The following AKAP17A variants were observed in gnomAD, a reference collection of about 807,000 sequenced individuals.
AKAP17A encodes the protein A-kinase anchoring protein 17A.
In AKAP17A, 15 loss-of-function variants were observed where a neutral mutation model predicts 52.2. The ratio of observed to expected loss-of-function variants is 0.29; its 90% confidence interval spans 0.19 to 0.44. The LOEUF (loss-of-function observed/expected upper bound fraction) is 0.44, where lower values mean the gene tolerates loss of function less well. AKAP17A is among the 20% of genes least tolerant of loss of function. AKAP17A has a pLI of 1.00. For missense variants in AKAP17A, 1,060 were observed against 1,007.0 expected, an observed-to-expected ratio of 1.05 and a Z score of -0.71; for synonymous variants, 514 against 424.7, an observed-to-expected ratio of 1.21 and a Z score of -2.58.
At position 1,595,437 on chromosome X, in the gene AKAP17A, G is replaced by A; in HGVS notation, c.816G>A (p.Gln272=). ...GTGATGCCTCAATTAAGAAGCGGCA[G>A]CTGGAGAGGCAGAAGCTTCAGGAAC... ...HLSDASIKKR[Q]LERQKLQELE... is the part of the protein sequence containing the mutation. Residue 272 remains glutamine, a synonymous_variant, in exon 3 of 5, where the codon CAG becomes CAA. Transcript: ENST00000313871. 5 of 1,614,034 alleles carry A rather than the reference G, an allele frequency of 3.1e-6. No individual in the cohort carries two copies. The highest frequency in any genetic ancestry group is 4.2e-6 in the Non-Finnish European group (5 of 1,179,882).
chrX:1,602,166 T>A lies in AKAP17A; in HGVS notation c.*572T>A. The A allele has an allele frequency of 6.5e-6, 1 of 152,766 alleles. No individual in the cohort carries two copies. Among genetic ancestry groups the A allele is most frequent in the South Asian group, 2.1e-4 (1 of 4,830 alleles). 9.5% of individuals were successfully genotyped at this position (152,766 alleles called of 1,614,324 possible). A position where few individuals can be genotyped will look rare whatever the true frequency, so the allele number is the denominator to read the frequency against. ...TTAAGATCAAAACTCAAACGGGCCGTTCTTTCTAAGGTGTCGGTATGTGGG... is the reference window on the plus strand; with the variant it reads ...TTAAGATCAAAACTCAAACGGGCCGATCTTTCTAAGGTGTCGGTATGTGGG... On this transcript the variant is annotated 3_prime_UTR_variant, in exon 5 of 5. Transcript: ENST00000313871.
chrX:1,601,766 C>A lies in AKAP17A; in HGVS notation c.*172C>A. 1 of 533,784 alleles carries A rather than the reference C, an allele frequency of 1.9e-6. No individual in the cohort carries two copies. The highest frequency in any genetic ancestry group is 3.0e-6 in the Non-Finnish European group (1 of 332,302). The allele number at this position is 533,784 out of a possible 1,614,324, so 33.1% of individuals were successfully genotyped here. ...AGGAAGACACCATGCTTTAGAGATC[C>A]ATCTTTCTCCACTCACCGCAGCGTA... On this transcript the variant is annotated 3_prime_UTR_variant, in exon 5 of 5. Transcript: ENST00000313871.
chrX:1,594,632 T>C (rs1452920163), intron 2 of AKAP17A, among the ~76,000 whole-genome samples: 1 of 152,010 alleles, frequency 6.6e-6, no homozygotes, highest in Non-Finnish European at 1.5e-5. Flanking sequence ...TTTTATTTTT[T>C]TTTCGAGGCA....
chrX:1,596,915 G>A (rs772693524), intron 3 of AKAP17A, among the ~76,000 whole-genome samples: 2 of 150,970 alleles, frequency 1.3e-5, no homozygotes, highest in South Asian at 4.2e-4. Flanking sequence ...TCCTAGTGAG[G>A]CGGAATCCTC....
intron 3 of AKAP17A, 28 bp downstream of exon 3, chrX:1,595,560 C>T (rs777037233): frequency 1.8e-5 from 29 of 1,612,504 alleles, no homozygotes; most frequent in East Asian, 6.7e-5. Context: ...GGGCCCTCGG[C>T]GCTGGTGTCC....
chrX:1,601,269 G>C lies in AKAP17A; in HGVS notation c.1763G>C (p.Gly588Ala), dbSNP rs1933361122. 2 of 1,612,802 alleles carry C rather than the reference G, an allele frequency of 1.2e-6. No homozygotes were observed. The highest frequency in any genetic ancestry group is 2.7e-5 in the African/African-American group (2 of 74,916). Residue 588 changes from glycine (G) to alanine (A), a missense_variant, in exon 5 of 5, where the codon GGC becomes GCC. By Grantham distance (60) the Gly-to-Ala change is moderately conservative (BLOSUM62 0). This residue lies in a region of AKAP17A where 793 missense variants were observed against 629.9 expected (regional missense o/e 1.26). Coordinates refer to ENST00000313871, the MANE Select transcript of AKAP17A (RefSeq NM_005088.3). ...KCNREPSKGR[G>A]RATGDGLADR... ...AACCGGGAGCCCAGCAAGGGCCGGG[G>C]CCGGGCCACCGGAGACGGGCTTGCT...
intron 3 of AKAP17A, among the ~76,000 whole-genome samples, chrX:1,597,663 G>A (rs1385615162): frequency 3.5e-5 from 5 of 141,012 alleles, no homozygotes; most frequent in South Asian, 2.3e-4. Flanking sequence ...TCTCGGTGTC[G>A]CAGGAGTGTC....
At chrX:1,593,302 GTGGAAACCGGTCTC>G in intron 1 of AKAP17A, 128 bp from the exon 2 acceptor site, 1 of 824,188 alleles carries the variant, frequency 1.2e-6, no homozygotes, top group Non-Finnish European at 2.0e-6. Flanking sequence ...TGTTAACAAA[GTGGAAACCGGTCTC>G]TGACACGGCA....
chrX:1,592,204 G>A (rs1453511923), intron 1 of AKAP17A, among the ~76,000 whole-genome samples: 10 of 151,824 alleles, frequency 6.6e-5, no homozygotes, highest in Admixed American at 5.3e-4. Flanking sequence ...GGGCGGTGCT[G>A]TGTAGGTTGG....
In AKAP17A at chrX:1,600,804, AGCTGCGCGAGCG is replaced by A; in HGVS notation, c.1304_1315del (p.Arg435_Leu438del). The A allele has an allele frequency of 6.3e-7, 1 of 1,590,004 alleles. No homozygotes were observed. Among genetic ancestry groups the A allele is most frequent in the Non-Finnish European group, 8.5e-7 (1 of 1,172,810 alleles). Reference sequence around the variant, plus strand: ...CTGGGCCTGCAGCGGAAAGAGCGGGAGCTGCGCGAGCGGCTGCTGAGCATCCTGCTGAGCAAG... The same window carrying A: ...CTGGGCCTGCAGCGGAAAGAGCGGGAGCTGCTGAGCATCCTGCTGAGCAAG... On this transcript the variant is annotated inframe_deletion, in exon 5 of 5. Coordinates refer to ENST00000313871, the MANE Select transcript of AKAP17A (RefSeq NM_005088.3).
intron 4 of AKAP17A, 96 bp downstream of exon 4, chrX:1,599,528 G>A (rs752102979): frequency 1.5e-4 from 227 of 1,509,514 alleles, no homozygotes; most frequent in Admixed American, 4.1e-4. Flanking sequence ...CCGTTTCCCC[G>A]CCGGCTGCAG....
chrX:1,600,263 G>A (rs1189352254), intron 4 of AKAP17A: 34 of 1,177,964 alleles, frequency 2.9e-5, no homozygotes, highest in Non-Finnish European at 3.7e-5. Flanking sequence ...CAGCTACGGC[G>A]GTGGCATGCG....
chrX:1,592,666 G>A (rs1303860006), intron 1 of AKAP17A, among the ~76,000 whole-genome samples: 2 of 152,172 alleles, frequency 1.3e-5, no homozygotes, highest in Non-Finnish European at 2.9e-5. Flanking sequence ...GTGGGCGGCC[G>A]GGCCGGAGGC....
In AKAP17A at chrX:1,601,746, G is replaced by T; in HGVS notation, c.*152G>T. ...CACGGAGCCCGCCGGCAGGAAGGAA[G>T]ACACCATGCTTTAGAGATCCATCTT... On this transcript the variant is annotated 3_prime_UTR_variant, in exon 5 of 5. Transcript: ENST00000313871. 1.6e-6 allele frequency: 1 copy of T among 637,824 alleles called. No homozygotes were observed. The highest frequency in any genetic ancestry group is 2.4e-6 in the Non-Finnish European group (1 of 423,084). The allele number at this position is 637,824 out of a possible 1,614,324, so 39.5% of individuals were successfully genotyped here.
chrX:1,598,084 A>G (rs1397184636), intron 3 of AKAP17A, among the ~76,000 whole-genome samples: 22 of 152,156 alleles, frequency 1.4e-4, no homozygotes, highest in Non-Finnish European at 4.4e-5. Context: ...GAGCTTGATG[A>G]GAGCTGTCCT....
intron 2 of AKAP17A, 76 bp from the exon 3 acceptor site, chrX:1,595,307 GC>G: frequency 6.3e-7 from 1 of 1,597,412 alleles, no homozygotes; most frequent in South Asian, 1.1e-5. Flanking sequence ...CGGCCCTACG[GC>G]CCAGGAGAGG....
chrX:1,595,270 AGCGGG>A, intron 2 of AKAP17A, 109 bp from the exon 3 acceptor site: 1 of 1,364,974 alleles, frequency 7.3e-7, no homozygotes, highest in African/African-American at 1.5e-5. Flanking sequence ...GTGAGCGGTG[AGCGGG>A]CGCTCAGGCT....
chrX:1,599,913 T>C, intron 4 of AKAP17A: 1 of 536,800 alleles, frequency 1.9e-6, no homozygotes, highest in Non-Finnish European at 3.4e-6. Context: ...AGCGTGAACC[T>C]GACAGGTCTC....
chrX:1,592,567 C>T (rs1378488444), intron 1 of AKAP17A, among the ~76,000 whole-genome samples: 2 of 152,102 alleles, frequency 1.3e-5, no homozygotes, highest in African/African-American at 2.4e-5. Context: ...CGCTTCTCCA[C>T]CCTCCCTCCC....
Sources: gnomAD v4.1 joint callset for allele counts (sites outside exome capture counted in the v4.1 genomes callset) on GRCh38, gnomAD v4.1.1 for gene constraint, gnomAD v4.1.1 regional missense constraint, MANE v1.5 for transcripts, NCBI Gene and HGNC (gene_info 2026-07-23, HGNC 2026-07-21) for gene names.